Variants in RBPMS observed in about 807,000 individuals in gnomAD.
RBPMS encodes RNA binding protein, mRNA processing factor, also known as RNA-binding protein with multiple splicing.
RBPMS carries 7 observed loss-of-function variants against 26.8 expected under a neutral mutation model. The observed-to-expected ratio is 0.26, with a 90% CI of 0.15 to 0.49. The LOEUF is 0.49. Ranked by LOEUF, RBPMS falls within the 20% of genes least tolerant of loss-of-function variation. The pLI, the probability that RBPMS is intolerant of heterozygous loss-of-function variation, is 0.98. For missense variants in RBPMS, 186 were observed against 250.0 expected (o/e 0.74, Z 1.73); for synonymous variants, 96 against 93.3 (o/e 1.03, Z -0.17).
intron 5 of RBPMS, among the ~76,000 whole-genome samples, chr8:30,507,898 C>T (rs1309058405): frequency 6.6e-6 from 1 of 152,136 alleles, no homozygotes; most frequent in Non-Finnish European, 1.5e-5. Context: ...CTCAATAGCA[C>T]TTATTTTCCA....
In RBPMS at chr8:30,534,127, T is replaced by C. The variant is rs531670400; in HGVS notation, c.398-10367T>C. ...CAGCCCGGGTGACAGCACGAGACTC[T>C]CAAAAAAAAAAAAAATTGTTTTTGT... On this transcript the variant is annotated intron_variant, in intron 5 of 8. Transcript: ENST00000397323. 4.7e-3 allele frequency among the ~76,000 whole-genome samples: 484 copies of C among 102,366 alleles called. 3 individuals carry two copies. Among genetic ancestry groups the C allele is most frequent in the Middle Eastern group, 9.3e-3 (2 of 214 alleles). The allele number at this position is 102,366 out of a possible 152,430, so 67.2% of individuals were successfully genotyped here. A position where few individuals can be genotyped will look rare whatever the true frequency, so the allele number is the denominator to read the frequency against.
At chr8:30,512,381 C>T (rs1187051012) in intron 5 of RBPMS, among the ~76,000 whole-genome samples, 1 of 152,040 alleles carries the variant, frequency 6.6e-6, no homozygotes. Context: ...TAAAACATGG[C>T]CATACTATTC....
intron 1 of RBPMS, among the ~76,000 whole-genome samples, chr8:30,408,214 G>A (rs996900205): frequency 1.3e-5 from 2 of 152,048 alleles, no homozygotes; most frequent in Admixed American, 6.6e-5. Flanking sequence ...CATCTAACAC[G>A]AATGGCAGAT....
chr8:30,470,173 C>T (rs1283471880), intron 1 of RBPMS, among the ~76,000 whole-genome samples: 2 of 152,132 alleles, frequency 1.3e-5, no homozygotes, highest in Admixed American at 6.5e-5. Flanking sequence ...CACCTGAGTT[C>T]AGGAGTTCAA....
chr8:30,411,677 A>AG (rs1489393845), intron 1 of RBPMS, among the ~76,000 whole-genome samples: 5 of 136,222 alleles, frequency 3.7e-5, no homozygotes, highest in Admixed American at 7.7e-5. Context: ...AAAAAAAAAA[A>AG]AAAAAAAGAA....
At chr8:30,544,988 G>T in intron 6 of RBPMS, 1 of 1,452,100 alleles carries the variant, frequency 6.9e-7, no homozygotes, top group Non-Finnish European at 9.0e-7. Context: ...AGAGGAAGGT[G>T]TGTGCTAGGA....
chr8:30,504,113 G>T (rs373483654), intron 4 of RBPMS, among the ~76,000 whole-genome samples, 173 bp from the exon 5 acceptor site: 1 of 152,082 alleles, frequency 6.6e-6, no homozygotes, highest in Non-Finnish European at 1.5e-5. Context: ...ACTGACTTTC[G>T]GGACACTTTG....
At chr8:30,456,809 T>C (rs954412561) in intron 1 of RBPMS, among the ~76,000 whole-genome samples, 5 of 152,168 alleles carry the variant, frequency 3.3e-5, no homozygotes, top group African/African-American at 1.2e-4. Context: ...TAGTCCCAGC[T>C]ACTTGGGAGG....
At chr8:30,513,557 C>T (rs1821955219) in intron 5 of RBPMS, among the ~76,000 whole-genome samples, 1 of 137,644 alleles carries the variant, frequency 7.3e-6, no homozygotes, top group South Asian at 2.4e-4. Context: ...CACTGCACTC[C>T]AGCCTGGGCG....
intron 5 of RBPMS, among the ~76,000 whole-genome samples, chr8:30,511,486 A>AATATAT (rs869100800): frequency 4.2e-4 from 10 of 23,538 alleles, no homozygotes; most frequent in African/African-American, 1.5e-3. Flanking sequence ...AAAAAAAAAA[A>AATATAT]ATATATATAT....
At chr8:30,536,362 G>T (rs1824798271) in intron 5 of RBPMS, among the ~76,000 whole-genome samples, 1 of 152,102 alleles carries the variant, frequency 6.6e-6, no homozygotes, top group Non-Finnish European at 1.5e-5. Flanking sequence ...CCCGACCTCA[G>T]GTGATCCGCC....
intron 2 of RBPMS, among the ~76,000 whole-genome samples, chr8:30,475,606 T>C (rs2150831123): frequency 6.6e-6 from 1 of 152,284 alleles, no homozygotes; most frequent in African/African-American, 2.4e-5. Context: ...GCTGTCTTGA[T>C]TTCTGGTTAA....
intron 3 of RBPMS, 21 bp downstream of exon 3, chr8:30,477,858 T>C (rs777054263): frequency 1.3e-6 from 2 of 1,539,452 alleles, no homozygotes; most frequent in Admixed American, 1.7e-5. Context: ...CAAAGTGGCA[T>C]ATAAAGATCA....
intron 3 of RBPMS, among the ~76,000 whole-genome samples, chr8:30,478,287 G>A (rs1817906020): frequency 6.6e-6 from 1 of 152,050 alleles, no homozygotes; most frequent in East Asian, 1.9e-4. Context: ...GTGGTAGTCA[G>A]TGATTCTAAT....
Position 30,451,574 on chromosome 8 carries a change from G to A in RBPMS, c.67-23205G>A, listed in dbSNP as rs568402660. Among the ~76,000 whole-genome samples, 177 of 152,258 alleles carry A rather than the reference G, an allele frequency of 1.2e-3. 1 individual carries two copies. The highest frequency in any genetic ancestry group is 2.0e-3 in the Non-Finnish European group (135 of 68,016). ...CAGTTTTCTCTTTGGAATAGCTCAC[G>A]TTATTTCAGGCTCTCTAGAAGTGTG... On this transcript the variant is annotated intron_variant, in intron 1 of 8. Coordinates refer to ENST00000397323, the MANE Select transcript of RBPMS (RefSeq NM_001008710.3).
chr8:30,465,352 A>G (rs958636109), intron 1 of RBPMS, among the ~76,000 whole-genome samples: 1 of 152,186 alleles, frequency 6.6e-6, no homozygotes, highest in Non-Finnish European at 1.5e-5. Context: ...CTTAATAATG[A>G]GGTTAAGTGT....
chr8:30,460,957 G>C lies in RBPMS; in HGVS notation c.67-13822G>C, dbSNP rs183997371. The stretch of plus-strand genomic sequence containing the variant: ...TCCCAGCCACTTGGGAAGCTGAGGT[G>C]GGGGAGGATCTCTTGAGTCTGGTAG... On this transcript the variant is annotated intron_variant, in intron 1 of 8. Coordinates refer to ENST00000397323, the MANE Select transcript of RBPMS (RefSeq NM_001008710.3). Among the ~76,000 whole-genome samples the C allele has an allele frequency of 2.4e-4, 37 of 152,166 alleles. 1 individual carries two copies. Among genetic ancestry groups the C allele is most frequent in the Admixed American group, 2.4e-3 (36 of 15,290 alleles).
chr8:30,556,098 G>C (rs1034451214), intron 6 of RBPMS: 2 of 985,392 alleles, frequency 2.0e-6, no homozygotes, highest in Admixed American at 1.2e-4. Context: ...TGGATGCGGT[G>C]AGAAGAGCCC....
intron 8 of RBPMS, 135 bp downstream of exon 8, chr8:30,566,495 C>CT (rs1827895522): frequency 6.3e-6 from 1 of 157,722 alleles, no homozygotes; most frequent in African/African-American, 2.4e-5. Flanking sequence ...GCCCGGAGCT[C>CT]TTTAACATCT....
Sources: gnomAD v4.1 joint callset for allele counts (sites outside exome capture counted in the v4.1 genomes callset) on GRCh38, gnomAD v4.1.1 for gene constraint, MANE v1.5 for transcripts, NCBI Gene and HGNC (gene_info 2026-07-23, HGNC 2026-07-21) for gene names.